FRMD4B: variants seen among roughly 807,000 people sequenced by gnomAD.
FRMD4B encodes FERM domain-containing protein 4B.
Under a neutral mutation model 141.5 loss-of-function variants are expected in FRMD4B, and 74 were observed. That is an observed-to-expected ratio of 0.52 (90% CI 0.43 to 0.63). The LOEUF is 0.63. FRMD4B is among the 30% of genes least tolerant of loss of function. The probability of loss-of-function intolerance (pLI) is 0.00; values close to 1 mark genes in which losing one functional copy is unlikely to be tolerated. For missense variants in FRMD4B, 1,366 were observed against 1,253.4 expected (o/e 1.09, Z -1.36); for synonymous variants, 506 against 467.9 (o/e 1.08, Z -1.05).
chr3:69,487,444 T>C (rs954619907), intron 1 of FRMD4B, among the ~76,000 whole-genome samples: 3 of 152,298 alleles, frequency 2.0e-5, no homozygotes, highest in Middle Eastern at 3.4e-3. Flanking sequence ...GATTGGGTTT[T>C]CCAATAAAAC....
intron 1 of FRMD4B, among the ~76,000 whole-genome samples, chr3:69,381,218 T>C (rs1046054962): frequency 1.3e-5 from 2 of 152,252 alleles, no homozygotes; most frequent in Admixed American, 1.3e-4. Context: ...CATGGTTTGT[T>C]GGCAAATTAA....
intron 1 of FRMD4B, among the ~76,000 whole-genome samples, chr3:69,450,070 G>A (rs1705471194): frequency 6.6e-6 from 1 of 152,174 alleles, no homozygotes; most frequent in African/African-American, 2.4e-5. Flanking sequence ...CCAGTAAAAT[G>A]GGGAGAACGA....
At chr3:69,376,726 GTTAATT>G (rs1360105056) in intron 1 of FRMD4B, 3 of 151,962 alleles carry the variant, frequency 2.0e-5, no homozygotes, top group African/African-American at 4.8e-5. Flanking sequence ...ACATATGGGT[GTTAATT>G]TTAATTTTTT....
intron 5 of FRMD4B, among the ~76,000 whole-genome samples, chr3:69,258,487 A>G (rs1245378868): frequency 6.6e-6 from 1 of 152,238 alleles, no homozygotes; most frequent in East Asian, 1.9e-4. Context: ...GCTAGTTAAA[A>G]AAGTATAAAT....
intron 1 of FRMD4B, among the ~76,000 whole-genome samples, chr3:69,360,554 G>C (rs1446741177): frequency 6.6e-6 from 1 of 152,118 alleles, no homozygotes; most frequent in Non-Finnish European, 1.5e-5. Flanking sequence ...TTAACCTACA[G>C]GTTCCTGTTC....
chr3:69,274,115 G>A (rs1440704862), intron 5 of FRMD4B, among the ~76,000 whole-genome samples: 7 of 152,046 alleles, frequency 4.6e-5, no homozygotes, highest in Non-Finnish European at 2.9e-5. Context: ...CAGTATGACC[G>A]CAGGGTGAGT....
chr3:69,207,207 A>G (rs2093031719), intron 11 of FRMD4B, among the ~76,000 whole-genome samples: 1 of 151,694 alleles, frequency 6.6e-6, no homozygotes, highest in African/African-American at 2.4e-5. Flanking sequence ...TGAGAGGCTA[A>G]GGTGGGAGGA....
intron 3 of FRMD4B, chr3:69,310,600 AG>A (rs1701553478): frequency 3.0e-6 from 1 of 337,384 alleles, no homozygotes; most frequent in African/African-American, 2.4e-5. Flanking sequence ...AGAGAGAGAG[AG>A]AGAGAGAGAG....
At chr3:69,216,211 G>T in intron 11 of FRMD4B, 52 bp downstream of exon 11, 3 of 958,602 alleles carry the variant, frequency 3.1e-6, no homozygotes, top group South Asian at 1.4e-5. Context: ...ACTATGTTGT[G>T]ATTAACATGT....
Position 69,193,867 on chromosome 3 carries a change from C to G in FRMD4B, c.1495G>C (p.Ala499Pro), listed in dbSNP as rs1362216611. Residue 499 changes from alanine to proline, a missense_variant, in exon 17 of 23, where the codon GCT (alanine) becomes CCT (proline). Coordinates refer to ENST00000398540, the MANE Select transcript of FRMD4B (RefSeq NM_015123.3). ...DNLLPSEEDP[A>P]LQELESNFLI... ...AAATTACTCTCCAGTTCTTGCAAAG[C>G]AGGATCCTGCATTTATACAATGATA... 7.5e-6 allele frequency: 12 copies of G among 1,591,232 alleles called. No homozygotes were observed. The highest frequency in any genetic ancestry group is 1.1e-5 in the South Asian group (1 of 89,826).
intron 1 of FRMD4B, among the ~76,000 whole-genome samples, chr3:69,438,574 C>T (rs1357835121): frequency 2.0e-5 from 3 of 152,148 alleles, no homozygotes; most frequent in African/African-American, 7.2e-5. Flanking sequence ...GCTTAGGTGA[C>T]AATTTCAATA....
intron 1 of FRMD4B, among the ~76,000 whole-genome samples, chr3:69,509,636 C>T (rs1553648899): frequency 6.6e-6 from 1 of 152,104 alleles, no homozygotes; most frequent in Non-Finnish European, 1.5e-5. Flanking sequence ...GCTGTATAAA[C>T]TCATCTACTG....
chr3:69,244,505 T>C (rs1198072106), intron 7 of FRMD4B, among the ~76,000 whole-genome samples: 1 of 152,178 alleles, frequency 6.6e-6, no homozygotes, highest in East Asian at 1.9e-4. Flanking sequence ...ACAGTCTCAA[T>C]GCCTGTAGTC....
At chr3:69,215,282 CTCTTTTTT>C (rs1233911506) in intron 11 of FRMD4B, among the ~76,000 whole-genome samples, 2 of 37,496 alleles carry the variant, frequency 5.3e-5, no homozygotes, top group East Asian at 8.5e-4. Context: ...GATTGTGACC[CTCTTTTTT>C]TTTTTTTTTT....
At chr3:69,174,545 G>A (rs1026906050) in intron 22 of FRMD4B, among the ~76,000 whole-genome samples, 1 of 152,038 alleles carries the variant, frequency 6.6e-6, no homozygotes, top group Non-Finnish European at 1.5e-5. Context: ...TCTACCATGA[G>A]CTCATATATG....
intron 18 of FRMD4B, among the ~76,000 whole-genome samples, chr3:69,188,737 C>T (rs1331120854): frequency 7.1e-6 from 1 of 141,582 alleles, no homozygotes; most frequent in African/African-American, 2.7e-5. Flanking sequence ...GCAGTCCGAC[C>T]TGGGCGACAG....
At chr3:69,235,358 CA>C (rs1184971131) in intron 7 of FRMD4B, among the ~76,000 whole-genome samples, 2 of 151,518 alleles carry the variant, frequency 1.3e-5, no homozygotes, top group Non-Finnish European at 2.9e-5. Flanking sequence ...TCTAATCCCC[CA>C]AAAGAAATAC....
At chr3:69,520,435 A>ATATG (rs1241623092) in intron 1 of FRMD4B, among the ~76,000 whole-genome samples, 2 of 148,140 alleles carry the variant, frequency 1.4e-5, no homozygotes, top group African/African-American at 2.5e-5. Context: ...ATATATATAT[A>ATATG]TCACAGAAAA....
rs371350022 is a variant in FRMD4B, at chr3:69,326,119, ATTTTTTT to A, written c.163-12609_163-12603del. 1.9e-3 allele frequency among the ~76,000 whole-genome samples: 248 copies of A among 133,686 alleles called. 2 individuals carry two copies. Among genetic ancestry groups the A allele is most frequent in the Non-Finnish European group, 3.1e-3 (196 of 63,310 alleles). 87.7% of individuals were successfully genotyped at this position (133,686 alleles called of 152,430 possible). On this transcript the variant is annotated intron_variant, in intron 1 of 22. Transcript: ENST00000398540. ...GCACACCATCATGCCTGGCTAATCA[ATTTTTTT>A]TTTTTTTTTTTGTAGAGATAAGGTC...
Sources: allele counts gnomAD v4.1 joint callset (sites outside exome capture counted in the v4.1 genomes callset), GRCh38; gene constraint gnomAD v4.1.1; transcripts MANE v1.5; gene names NCBI Gene and HGNC (gene_info 2026-07-23, HGNC 2026-07-21).